PCDHA1: variants seen among roughly 807,000 people sequenced by gnomAD.
PCDHA1 encodes protocadherin alpha 1.
PCDHA1 carries 42 observed loss-of-function variants against 61.3 expected under a neutral mutation model. The observed-to-expected ratio is 0.69, with a 90% confidence interval of 0.54 to 0.89. The LOEUF (loss-of-function observed/expected upper bound fraction) is 0.89. Ranked by LOEUF, PCDHA1 falls within the 40% of genes least tolerant of loss-of-function variation. The probability of loss-of-function intolerance (pLI) is 0.00; values close to 1 mark genes in which losing one functional copy is unlikely to be tolerated. For missense variants in PCDHA1, 1,256 were observed against 1,235.3 expected, an observed-to-expected ratio of 1.02 and a Z score of -0.25; for synonymous variants, 610 against 553.8, an observed-to-expected ratio of 1.10 and a Z score of -1.43.
chr5:140,941,281 C>A (rs12652617), intron 1 of PCDHA1, among the ~76,000 whole-genome samples: 1 of 69,002 alleles, frequency 1.4e-5, no homozygotes, highest in Non-Finnish European at 3.2e-5. Context: ...TTCCTTCCTT[C>A]CTTTCTCTTT....
rs1422466475 is a variant in PCDHA1 at position 140,877,665 on chromosome 5, G to A, written c.2394+88981G>A. 5.0e-6 allele frequency: 8 copies of A among 1,613,522 alleles called. No homozygotes were observed. In the African/African-American group the frequency reaches 8.0e-5, roughly 16 times the overall value. On this transcript the variant is annotated intron_variant, in intron 1 of 3. Coordinates refer to ENST00000504120, the MANE Select transcript of PCDHA1 (RefSeq NM_018900.4). ...GCTCAGCGCCGCCCACCGTGAGCCGGTGCGCGCCGGGCAAGCCCACGCTGG... is the reference window on the plus strand; with the variant it reads ...GCTCAGCGCCGCCCACCGTGAGCCGATGCGCGCCGGGCAAGCCCACGCTGG...
intron 1 of PCDHA1, chr5:140,884,510 T>G: frequency 6.2e-7 from 1 of 1,613,982 alleles, no homozygotes; most frequent in Non-Finnish European, 8.5e-7. Flanking sequence ...GGCAGGGAGT[T>G]GGTCGTACTC....
intron 1 of PCDHA1, among the ~76,000 whole-genome samples, chr5:140,831,951 A>C (rs1771772559): frequency 6.6e-6 from 1 of 152,140 alleles, no homozygotes; most frequent in Admixed American, 6.6e-5. Context: ...GAAAAGAAAA[A>C]CTTTATGTCA....
At chr5:140,802,992 G>A (rs782219037) in intron 1 of PCDHA1, 21 of 1,614,010 alleles carry the variant, frequency 1.3e-5, no homozygotes, top group Non-Finnish European at 1.5e-5. Flanking sequence ...CGCAGTGGAT[G>A]CAGACTCAGG....
intron 1 of PCDHA1, chr5:140,875,336 G>T: frequency 7.0e-7 from 1 of 1,438,564 alleles, no homozygotes; most frequent in Non-Finnish European, 9.1e-7. Context: ...GAATAGGATC[G>T]ACTCCATAAT....
At chr5:140,973,768 A>G (rs1408539146) in intron 1 of PCDHA1, among the ~76,000 whole-genome samples, 3 of 152,258 alleles carry the variant, frequency 2.0e-5, no homozygotes, top group African/African-American at 7.2e-5. Flanking sequence ...ACAGCCTGGC[A>G]TATTATAGGT....
chr5:140,834,570 C>T, intron 1 of PCDHA1: 1 of 1,614,086 alleles, frequency 6.2e-7, no homozygotes, highest in Non-Finnish European at 8.5e-7. Flanking sequence ...GGTGCCGCGC[C>T]TGTTCCGGGC....
chr5:140,977,314 C>CTCCTGATG (rs1482871612), intron 1 of PCDHA1, among the ~76,000 whole-genome samples: 1 of 152,152 alleles, frequency 6.6e-6, no homozygotes, highest in African/African-American at 2.4e-5. Context: ...AACGATAGTG[C>CTCCTGATG]TCCTGATGGC....
At chr5:140,967,727 G>C in intron 1 of PCDHA1, 2 of 1,614,148 alleles carry the variant, frequency 1.2e-6, no homozygotes, top group Non-Finnish European at 1.7e-6. Flanking sequence ...GCGAGTAATT[G>C]GGGGGCTGGA....
intron 1 of PCDHA1, among the ~76,000 whole-genome samples, chr5:140,880,555 T>C (rs1250449659): frequency 1.3e-5 from 2 of 152,134 alleles, no homozygotes; most frequent in Admixed American, 6.6e-5. Context: ...CTGATGGAAA[T>C]GAGGTTGAGA....
chr5:140,830,243 T>A (rs1770923485), intron 1 of PCDHA1: 2 of 1,613,790 alleles, frequency 1.2e-6, no homozygotes, highest in Admixed American at 1.7e-5. Flanking sequence ...GCTACTGCTG[T>A]ACACAGCGCT....
chr5:140,856,327 G>C, intron 1 of PCDHA1: 1 of 1,598,708 alleles, frequency 6.3e-7, no homozygotes, highest in Non-Finnish European at 8.6e-7. Flanking sequence ...ACCGCGAGGA[G>C]CTGTGCGGGC....
chr5:140,950,944 T>C (rs2094535037), intron 1 of PCDHA1, among the ~76,000 whole-genome samples: 1 of 152,090 alleles, frequency 6.6e-6, no homozygotes, highest in Admixed American at 6.5e-5. Flanking sequence ...TCAGATTGGA[T>C]CATTTCTATT....
At chr5:140,834,702 G>C in intron 1 of PCDHA1, 1 of 1,614,258 alleles carries the variant, frequency 6.2e-7, no homozygotes. Context: ...CATCCACCTG[G>C]AGGTGATCGT....
chr5:140,842,811 G>T (rs1554139410), intron 1 of PCDHA1: 3 of 1,594,022 alleles, frequency 1.9e-6, no homozygotes, highest in Non-Finnish European at 2.6e-6. Flanking sequence ...CTTGTGGAGC[G>T]GCGGGTGGGC....
At position 141,011,407 on chromosome 5, in the gene PCDHA1, G is replaced by A. The variant is rs782613069; in HGVS notation, c.*1470G>A. On this transcript the variant is annotated 3_prime_UTR_variant, in exon 4 of 4. Coordinates refer to ENST00000504120, the MANE Select transcript of PCDHA1 (RefSeq NM_018900.4). ...TGAAATATACTTACTCTGTGCTTGT[G>A]TATGTGAATGTTAATGCAACTATTA... is the stretch of plus-strand genomic sequence containing the variant. The A allele has an allele frequency of 2.0e-5, 3 of 153,718 alleles. No individual in the cohort carries two copies. The highest frequency in any genetic ancestry group is 6.5e-5 in the Admixed American group (1 of 15,284). The allele number at this position is 153,718 out of a possible 1,614,324, so 9.5% of individuals were successfully genotyped here.
intron 1 of PCDHA1, chr5:140,852,238 A>G: frequency 1.7e-6 from 1 of 575,312 alleles, no homozygotes; most frequent in South Asian, 7.7e-5. Context: ...ATTTTCCCTT[A>G]AAACACACTT....
chr5:140,857,661 A>T, intron 1 of PCDHA1: 1 of 1,596,582 alleles, frequency 6.3e-7, no homozygotes, highest in Non-Finnish European at 8.6e-7. Context: ...AGCGCGCGCG[A>T]TGGGGGCGTG....
At position 140,914,532 on chromosome 5, in the gene PCDHA1, A is replaced by G. The variant is rs1440968686; in HGVS notation, c.2395-64417A>G. ...GTCATGTTTTTTCATCCATTCAGCC[A>G]CTTTATTTCTTTTTATTGGAGAGTT... On this transcript the variant is annotated intron_variant, in intron 1 of 3. Coordinates refer to ENST00000504120, the MANE Select transcript of PCDHA1 (RefSeq NM_018900.4). Among the ~76,000 whole-genome samples the G allele has an allele frequency of 3.3e-5, 5 of 152,070 alleles. 1 individual carries two copies. Among genetic ancestry groups the G allele is most frequent in the Admixed American group, 3.3e-4 (5 of 15,252 alleles).
Sources: allele counts gnomAD v4.1 joint callset (sites outside exome capture counted in the v4.1 genomes callset), GRCh38; gene constraint gnomAD v4.1.1; transcripts MANE v1.5; gene names NCBI Gene and HGNC (gene_info 2026-07-23, HGNC 2026-07-21).